Variants in ART4 observed in about 807,000 individuals in gnomAD.
ART4 encodes the protein ecto-ADP-ribosyltransferase 4.
ART4 carries 14 observed loss-of-function variants against 24.2 expected under a neutral mutation model. The observed-to-expected ratio is 0.58, with a 90% confidence interval of 0.38 to 0.90. ART4 has a LOEUF of 0.90. Among genes scored for constraint, ART4 ranks in the 40% least tolerant of loss-of-function variants. The pLI is 0.00. For missense variants in ART4, 356 were observed against 366.6 expected (o/e 0.97, Z 0.24); for synonymous variants, 145 against 139.9 (o/e 1.04, Z -0.26).
chr12:14,839,495 C>G (rs1398786968), intron 2 of ART4, among the ~76,000 whole-genome samples: 1 of 152,138 alleles, frequency 6.6e-6, no homozygotes, highest in Non-Finnish European at 1.5e-5. Flanking sequence ...CTGGTGAGGG[C>G]CTTTATGCTA....
In ART4 at chr12:14,840,711, G is replaced by C. The variant is rs775578698; in HGVS notation, c.587C>G (p.Ala196Gly). Residue 196 changes from alanine (A) to glycine (G), a missense_variant, in exon 2 of 3, where the codon GCC (alanine) becomes GGC (glycine). Physicochemically the swap from Ala to Gly is moderately conservative, Grantham distance 60. Coordinates refer to ENST00000228936, the MANE Select transcript of ART4 (RefSeq NM_021071.4). ...AAATCGAATGGTGGCCCCTGTGTAG[G>C]CATTAAAGTGGACATCCTTCGTCCT... ...HYRTKDVHFN[A>G]YTGATIRFGQ... 6.2e-7 allele frequency: 1 copy of C among 1,614,116 alleles called. No individual in the cohort carries two copies. Among genetic ancestry groups the C allele is most frequent in the South Asian group, 1.1e-5 (1 of 91,068 alleles).
rs1294193709 is a variant in ART4 at position 14,829,206 on chromosome 12, G to C, written c.*165C>G. ...TTGAAATAAGGCAAAGGGGTACAAGGAAAGGCATAAGAGAATTAGCAAAGA... is the reference window on the plus strand; with the variant it reads ...TTGAAATAAGGCAAAGGGGTACAAGCAAAGGCATAAGAGAATTAGCAAAGA... On this transcript the variant is annotated 3_prime_UTR_variant, in exon 3 of 3. Transcript: ENST00000228936. The C allele has an allele frequency of 2.0e-6, 1 of 490,670 alleles. No individual in the cohort carries two copies. Among genetic ancestry groups the C allele is most frequent in the East Asian group, 3.5e-5 (1 of 28,948 alleles). The allele number at this position is 490,670 out of a possible 1,614,324, so 30.4% of individuals were successfully genotyped here.
rs1863032710 is a variant in ART4, at chr12:14,840,803, T to C, written c.495A>G (p.Ser165=). 1 of 1,614,206 alleles carries C rather than the reference T, an allele frequency of 6.2e-7. No individual in the cohort carries two copies. Among genetic ancestry groups the C allele is most frequent in the Non-Finnish European group, 8.5e-7 (1 of 1,180,038 alleles). The change falls in exon 2 of 3, where the codon TCA becomes TCG. Residue 165 remains serine (S), a synonymous_variant. Coordinates refer to ENST00000228936, the MANE Select transcript of ART4 (RefSeq NM_021071.4). ...HFKYLHYYLT[S]AIQLLRKDSI... is the part of the protein sequence containing the mutation. The stretch of plus-strand genomic sequence containing the variant: ...TGTCTTTCCTCAGCAGCTGGATTGC[T>C]GAGGTGAGGTAGTAGTGTAAATATT...
Position 14,827,119 on chromosome 12 carries a change from T to G in ART4, c.*2252A>C, listed in dbSNP as rs946641375. ...ATGTTCTTAATTTCTCCTAAGAGATTGTAAACTCATGAGAGATCTGGCCTA... is the reference window on the plus strand; with the variant it reads ...ATGTTCTTAATTTCTCCTAAGAGATGGTAAACTCATGAGAGATCTGGCCTA... On this transcript the variant is annotated 3_prime_UTR_variant, in exon 3 of 3. Coordinates refer to ENST00000228936, the MANE Select transcript of ART4 (RefSeq NM_021071.4). 1 of 152,152 alleles carries G rather than the reference T, an allele frequency of 6.6e-6. No homozygotes were observed. The highest frequency in any genetic ancestry group is 2.4e-5 in the African/African-American group (1 of 41,430). The allele number at this position is 152,152 out of a possible 1,614,324, so 9.4% of individuals were successfully genotyped here.
intron 2 of ART4, among the ~76,000 whole-genome samples, chr12:14,835,359 TCTTA>T (rs201008263): frequency 0.011 from 1,750 of 152,216 alleles, 39 homozygotes; most frequent in African/African-American, 0.039. Context: ...AGTCCACTGA[TCTTA>T]CTTCCTCCCT....
At position 14,841,833 on chromosome 12, in the gene ART4, G is replaced by A. The variant is rs1038394486; in HGVS notation, c.145-680C>T. ...CAGTACTGAACTGGGGCCTGCCCAG[G>A]TAAGATTCTTGTCATGGGGAAACAG... is the stretch of plus-strand genomic sequence containing the variant. On this transcript the variant is annotated intron_variant, in intron 1 of 2. Coordinates refer to ENST00000228936, the MANE Select transcript of ART4 (RefSeq NM_021071.4). Among the ~76,000 whole-genome samples the A allele has an allele frequency of 1.3e-5, 2 of 152,210 alleles. 1 individual carries two copies. The highest frequency in any genetic ancestry group is 1.3e-4 in the Admixed American group (2 of 15,278).
intron 2 of ART4, 56 bp from the exon 3 acceptor site, chr12:14,829,518 ACCT>A: frequency 1.6e-6 from 2 of 1,230,874 alleles, no homozygotes; most frequent in Non-Finnish European, 2.3e-6. Flanking sequence ...TTTTAAAACT[ACCT>A]CATCTATCCA....
Position 14,841,016 on chromosome 12 carries a change from A to G in ART4, c.282T>C (p.Phe94=), listed in dbSNP as rs1158385720. The G allele has an allele frequency of 6.2e-7, 1 of 1,614,202 alleles. No individual in the cohort carries two copies. The highest frequency in any genetic ancestry group is 1.7e-5 in the Admixed American group (1 of 60,028). Residue 94 remains phenylalanine (F), a synonymous_variant, in exon 2 of 3, where the codon TTT becomes TTC. Transcript: ENST00000228936. ...TKDIEAQKNY[F]RMWQKAHLAW... is the part of the protein sequence containing the mutation. The stretch of plus-strand genomic sequence containing the variant: ...CTAAGTGGGCTTTTTGCCACATCCT[A>G]AAATAATTCTTCTGGGCTTCTATGT...
intron 2 of ART4, 86 bp downstream of exon 2, chr12:14,840,359 C>G: frequency 8.6e-7 from 1 of 1,165,472 alleles, no homozygotes; most frequent in Non-Finnish European, 1.2e-6. Flanking sequence ...TTTGATCTTT[C>G]CCCAAAAACC....
Position 14,841,054 on chromosome 12 carries a change from A to T in ART4, c.244T>A (p.Tyr82Asn). ...QVMEKLTQGDYFTKDIEAQKN... is the reference protein window; with the variant it reads ...QVMEKLTQGDNFTKDIEAQKN... ...TGGGCTTCTATGTCTTTTGTGAAAT[A>T]ATCCCCTTGAGTTAGTTTCTCCATA... The change falls in exon 2 of 3, where the codon TAT becomes AAT. Residue 82 changes from tyrosine (Y) to asparagine (N), a missense_variant. Transcript: ENST00000228936. The T allele has an allele frequency of 1.2e-6, 2 of 1,614,212 alleles. No homozygotes were observed. The highest frequency in any genetic ancestry group is 1.7e-6 in the Non-Finnish European group (2 of 1,180,050).
intron 2 of ART4, among the ~76,000 whole-genome samples, chr12:14,830,698 T>TATATAC (rs1950391472): frequency 4.1e-5 from 4 of 98,732 alleles, no homozygotes; most frequent in Admixed American, 1.1e-4. Context: ...TATATATATA[T>TATATAC]ACAGTAATTT....
At chr12:14,842,799 C>T (rs894266329) in intron 1 of ART4, among the ~76,000 whole-genome samples, 171 bp downstream of exon 1, 2 of 152,218 alleles carry the variant, frequency 1.3e-5, no homozygotes, top group Non-Finnish European at 2.9e-5. Context: ...AAGGATTCTA[C>T]AATTTTTCAT....
At position 14,829,306 on chromosome 12, in the gene ART4, A is replaced by C. The variant is rs1272266848; in HGVS notation, c.*65T>G. 8.7e-7 allele frequency: 1 copy of C among 1,155,902 alleles called. No homozygotes were observed. The highest frequency in any genetic ancestry group is 1.6e-5 in the African/African-American group (1 of 62,632). 71.6% of individuals were successfully genotyped at this position (1,155,902 alleles called of 1,614,324 possible). On this transcript the variant is annotated 3_prime_UTR_variant, in exon 3 of 3. Transcript: ENST00000228936. ...GGAAAATAAATGTCCATTTCTAGCCAAAAGGCCAATAAAAAAGATTTTATT... is the reference window on the plus strand; with the variant it reads ...GGAAAATAAATGTCCATTTCTAGCCCAAAGGCCAATAAAAAAGATTTTATT...
intron 2 of ART4, 55 bp from the exon 3 acceptor site, chr12:14,829,517 TAC>T: frequency 8.1e-7 from 1 of 1,235,604 alleles, no homozygotes; most frequent in Non-Finnish European, 1.2e-6. Flanking sequence ...TTTTTAAAAC[TAC>T]CTCATCTATC....
chr12:14,835,292 G>T (rs1251649995), intron 2 of ART4, among the ~76,000 whole-genome samples: 2 of 152,214 alleles, frequency 1.3e-5, no homozygotes, highest in Non-Finnish European at 2.9e-5. Flanking sequence ...CTAGGCTGGG[G>T]TTAGTGGAGC....
intron 2 of ART4, among the ~76,000 whole-genome samples, chr12:14,830,519 T>G (rs1950386709): frequency 7.7e-6 from 1 of 130,704 alleles, no homozygotes. Context: ...TTTAGTTTTT[T>G]GGAATTTCTA....
Position 14,841,094 on chromosome 12 carries a change from G to C in ART4, c.204C>G (p.Gly68=), listed in dbSNP as rs1379360965. 1 of 1,611,050 alleles carries C rather than the reference G, an allele frequency of 6.2e-7. No homozygotes were observed. Among genetic ancestry groups the C allele is most frequent in the African/African-American group, 1.3e-5 (1 of 74,740 alleles). The part of the protein sequence containing the change: ...APGSFDDQYQ[G]CSKQVMEKLT... ...GTTTCTCCATAACCTGTTTGCTACA[G>C]CCTTGGTACTGATCATCAAAAGAAC... Residue 68 remains glycine (G), a synonymous_variant, in exon 2 of 3, where the codon GGC becomes GGG. Coordinates refer to ENST00000228936, the MANE Select transcript of ART4 (RefSeq NM_021071.4).
At chr12:14,841,215 A>G in intron 1 of ART4, 62 bp from the exon 2 acceptor site, 1 of 1,472,506 alleles carries the variant, frequency 6.8e-7, no homozygotes, top group Non-Finnish European at 9.2e-7. Flanking sequence ...GTGGTTGCAG[A>G]TTTGCTGTAC....
At chr12:14,829,953 G>T (rs1458458109) in intron 2 of ART4, among the ~76,000 whole-genome samples, 3 of 152,088 alleles carry the variant, frequency 2.0e-5, no homozygotes, top group Non-Finnish European at 2.9e-5. Flanking sequence ...GAAAAAACTT[G>T]CCAGTGTCAC....
Sources: allele counts gnomAD v4.1 joint callset (sites outside exome capture counted in the v4.1 genomes callset), GRCh38; gene constraint gnomAD v4.1.1; transcripts MANE v1.5; gene names NCBI Gene and HGNC (gene_info 2026-07-23, HGNC 2026-07-21).